Variants in DLST observed in about 807,000 individuals in gnomAD.
DLST encodes dihydrolipoamide S-succinyltransferase.
A neutral mutation model predicts 53.1 loss-of-function variants in DLST; 17 were observed. The ratio of observed to expected loss-of-function variants is 0.32; its 90% confidence interval spans 0.22 to 0.48. DLST has a LOEUF of 0.48. Among genes scored for constraint, DLST ranks in the 20% least tolerant of loss-of-function variants. DLST has a pLI of 0.99. For missense variants in DLST, 512 were observed against 583.9 expected, an observed-to-expected ratio of 0.88 and a Z score of 1.27; for synonymous variants, 206 against 204.8, an observed-to-expected ratio of 1.01 and a Z score of -0.05.
chr14:74,882,551 T>TC (rs1181449095), intron 1 of DLST, 40 bp from the exon 2 acceptor site: 11 of 1,610,422 alleles, frequency 6.8e-6, no homozygotes, highest in Middle Eastern at 1.7e-4. Context: ...GGTTTTTTTT[T>TC]CATCTTGGGT....
rs774240374 is a variant in DLST at position 74,891,127 on chromosome 14, C to T, written c.402C>T (p.Val134=). The change falls in exon 7 of 15, where the codon GTC becomes GTT. Residue 134 remains valine (V), a synonymous_variant. Coordinates refer to ENST00000334220, the MANE Select transcript of DLST (RefSeq NM_001933.5). ...TTTTGGTACCTGATGGGGGAAAAGT[C>T]GAAGGAGGCACTCCACTTTTCACAC... ...EALLVPDGGK[V]EGGTPLFTLR... 18 of 1,613,938 alleles carry T rather than the reference C, an allele frequency of 1.1e-5. No individual in the cohort carries two copies. Among genetic ancestry groups the T allele is most frequent in the East Asian group, 2.2e-5 (1 of 44,892 alleles).
intron 3 of DLST, among the ~76,000 whole-genome samples, chr14:74,887,387 C>G (rs1161425351): frequency 6.6e-6 from 1 of 152,082 alleles, no homozygotes; most frequent in African/African-American, 2.4e-5. Context: ...TCATGACTCT[C>G]TACAATAAAT....
At chr14:74,893,497 G>T in intron 9 of DLST, 73 bp downstream of exon 9, 1 of 1,526,840 alleles carries the variant, frequency 6.5e-7, no homozygotes, top group South Asian at 1.1e-5. Flanking sequence ...TGGGTGTGGT[G>T]ATGCCTACCT....
chr14:74,902,444 C>T lies in DLST; in HGVS notation c.*114C>T, dbSNP rs1884290717. The T allele has an allele frequency of 1.5e-6, 2 of 1,359,146 alleles. No homozygotes were observed. Among genetic ancestry groups the T allele is most frequent in the Non-Finnish European group, 9.9e-7 (1 of 1,011,398 alleles). The allele number at this position is 1,359,146 out of a possible 1,614,324, so 84.2% of individuals were successfully genotyped here. On this transcript the variant is annotated 3_prime_UTR_variant, in exon 15 of 15. Transcript: ENST00000334220. ...TGACAGGCAGACACATGCTGTTGGCCTCAAGCAAGGAAGCAGAGCACTGTG... is the reference window on the plus strand; with the variant it reads ...TGACAGGCAGACACATGCTGTTGGCTTCAAGCAAGGAAGCAGAGCACTGTG...
Position 74,894,350 on chromosome 14 carries a change from T to C in DLST, c.711T>C (p.Arg237=). 6.2e-7 allele frequency: 1 copy of C among 1,614,190 alleles called. No homozygotes were observed. The highest frequency in any genetic ancestry group is 2.2e-5 in the East Asian group (1 of 44,884). Reference sequence around the variant, plus strand: ...GGATGCGGCAGCGCATTGCTCAGCGTCTGAAGGAGGCCCAGAATACATGTG... The same window carrying C: ...GGATGCGGCAGCGCATTGCTCAGCGCCTGAAGGAGGCCCAGAATACATGTG... ...MNRMRQRIAQ[R]LKEAQNTCAM... Residue 237 remains arginine, a synonymous_variant, in exon 10 of 15, where the codon CGT becomes CGC. Coordinates refer to ENST00000334220, the MANE Select transcript of DLST (RefSeq NM_001933.5).
intron 6 of DLST, 103 bp from the exon 7 acceptor site, chr14:74,890,953 C>A: frequency 6.9e-7 from 1 of 1,448,366 alleles, no homozygotes. Context: ...GCTGGGACTA[C>A]AGGCATGAGC....
chr14:74,888,434 G>A (rs1052941807), intron 3 of DLST, among the ~76,000 whole-genome samples: 4 of 151,850 alleles, frequency 2.6e-5, no homozygotes, highest in South Asian at 2.1e-4. Context: ...AATCTATCTC[G>A]GATTTAGTTA....
At chr14:74,885,819 C>G in intron 3 of DLST, 185 bp downstream of exon 3, 1 of 572,382 alleles carries the variant, frequency 1.7e-6, no homozygotes, top group Non-Finnish European at 3.0e-6. Context: ...AGCATCAGCT[C>G]CGTGTCAGGT....
In DLST at chr14:74,902,438, G is replaced by A; in HGVS notation, c.*108G>A. ...GCCTGGTGACAGGCAGACACATGCT[G>A]TTGGCCTCAAGCAAGGAAGCAGAGC... On this transcript the variant is annotated 3_prime_UTR_variant, in exon 15 of 15. Transcript: ENST00000334220. 7.1e-7 allele frequency: 1 copy of A among 1,400,652 alleles called. No homozygotes were observed. Among genetic ancestry groups the A allele is most frequent in the Admixed American group, 2.2e-5 (1 of 45,096 alleles). The allele number at this position is 1,400,652 out of a possible 1,614,324, so 86.8% of individuals were successfully genotyped here.
At chr14:74,882,523 A>T in intron 1 of DLST, 68 bp from the exon 2 acceptor site, 1 of 1,518,690 alleles carries the variant, frequency 6.6e-7, no homozygotes, top group Non-Finnish European at 9.1e-7. Flanking sequence ...TTGAGCGTGT[A>T]CTTAAAAGAA....
At chr14:74,900,987 A>C in intron 13 of DLST, 79 bp from the exon 14 acceptor site, 64 of 1,452,808 alleles carry the variant, frequency 4.4e-5, no homozygotes, top group Non-Finnish European at 5.6e-5. Context: ...CGGCCTCCCA[A>C]AGCGCTGGGA....
In DLST at chr14:74,889,877, G is replaced by A. The variant is rs1883842365; in HGVS notation, c.275-20G>A. ...CTCCCCGCTAACAGGTAGCCTTGTA[G>A]CCTTTGATTGTCTTTTCAGCTGTTG... On this transcript the variant is annotated intron_variant, in intron 5 of 14. Transcript: ENST00000334220. 8 of 1,613,752 alleles carry A rather than the reference G, an allele frequency of 5.0e-6. No individual in the cohort carries two copies. Among genetic ancestry groups the A allele is most frequent in the Non-Finnish European group, 5.9e-6 (7 of 1,179,846 alleles).
At chr14:74,891,817 T>C (rs1361602024) in intron 7 of DLST, 1 of 985,310 alleles carries the variant, frequency 1.0e-6, no homozygotes, top group Non-Finnish European at 1.2e-6. Flanking sequence ...ACTGTTACAC[T>C]AATAAGGCAG....
chr14:74,899,319 C>T (rs1178304785), intron 11 of DLST, among the ~76,000 whole-genome samples: 1 of 152,004 alleles, frequency 6.6e-6, no homozygotes, highest in Non-Finnish European at 1.5e-5. Context: ...TTACATGCTT[C>T]CTCTGGATGT....
chr14:74,882,452 C>T (rs1883557699), intron 1 of DLST, 139 bp from the exon 2 acceptor site: 16 of 764,942 alleles, frequency 2.1e-5, no homozygotes, highest in Non-Finnish European at 2.4e-5. Flanking sequence ...TCTGCCAGCA[C>T]GGTGTGTTGC....
rs571972318 is a variant in DLST at position 74,900,685 on chromosome 14, G to A, written c.1059+313G>A. 3.3e-5 allele frequency among the ~76,000 whole-genome samples: 5 copies of A among 152,308 alleles called. No homozygotes were observed. In the South Asian group the frequency reaches 6.2e-4, roughly 19 times the overall value. ...GAACAACTGTCACACGGAAGCTAGC[G>A]CTTGTGCCATCGATCTCGATACAAG... On this transcript the variant is annotated intron_variant, in intron 13 of 14. Transcript: ENST00000334220.
chr14:74,897,047 A>G (rs556806544), intron 10 of DLST, among the ~76,000 whole-genome samples: 1 of 152,330 alleles, frequency 6.6e-6, no homozygotes, highest in South Asian at 2.1e-4. Flanking sequence ...AGAGCTCTGA[A>G]ATAGAAGCTA....
intron 2 of DLST, among the ~76,000 whole-genome samples, chr14:74,883,908 C>T (rs371298262): frequency 1.3e-5 from 2 of 152,256 alleles, no homozygotes; most frequent in African/African-American, 4.8e-5. Flanking sequence ...AGACTCTAGC[C>T]TCGAGATTTT....
chr14:74,889,403 T>C, intron 5 of DLST, 54 bp downstream of exon 5: 1 of 1,418,842 alleles, frequency 7.0e-7, no homozygotes, highest in Non-Finnish European at 9.6e-7. Flanking sequence ...AGAGTCTTGC[T>C]CTGTTCCCAG....
Sources: allele counts gnomAD v4.1 joint callset (sites outside exome capture counted in the v4.1 genomes callset), GRCh38; gene constraint gnomAD v4.1.1; transcripts MANE v1.5; gene names NCBI Gene and HGNC (gene_info 2026-07-23, HGNC 2026-07-21).